ABCA7: variants seen among roughly 807,000 people sequenced by gnomAD.
The protein encoded by ABCA7 is phospholipid-transporting ATPase ABCA7.
In ABCA7, 261 loss-of-function variants were observed where a neutral mutation model predicts 227.6. That is an observed-to-expected ratio of 1.15 (90% CI 1.04 to 1.27). The LOEUF (loss-of-function observed/expected upper bound fraction) is 1.27, where lower values mean the gene tolerates loss of function less well. Among genes scored for constraint, ABCA7 ranks in the 50% most tolerant of loss-of-function variants. The pLI is 0.00. For synonymous variants in ABCA7, 1,488 were observed against 1,279.7 expected (o/e 1.16, Z -3.47); for missense variants, 3,331 against 2,924.5 (o/e 1.14, Z -3.21).
chr19:1,041,167 C>G (rs952902834), intron 1 of ABCA7, 58 bp from the exon 2 acceptor site: 1 of 636,454 alleles, frequency 1.6e-6, no homozygotes, highest in Non-Finnish European at 2.8e-6. Context: ...GTTTACTCCA[C>G]CCCTGGGGTA....
At chr19:1,041,711 A>G in intron 3 of ABCA7, 108 bp downstream of exon 3, 2 of 1,580,420 alleles carry the variant, frequency 1.3e-6, no homozygotes, top group Non-Finnish European at 1.7e-6. Context: ...CCAGGCCGCC[A>G]ATACATGGCA....
chr19:1,054,155 C>T lies in ABCA7; in HGVS notation c.3578-38C>T, dbSNP rs201587111. On this transcript the variant is annotated intron_variant, in intron 26 of 46. Transcript: ENST00000263094. This position sits in a 1 kb window ranked among gnomAD's most constrained non-coding sequence, Gnocchi z 4.8. ...CCTGGGGTCCTCCCAGCCACCCCCC[C>T]ACAGCAGCGTGAGCACTGACCCTCT... is the stretch of plus-strand genomic sequence containing the variant. The T allele has an allele frequency of 8.7e-6, 14 of 1,612,246 alleles. No homozygotes were observed. Among genetic ancestry groups the T allele is most frequent in the East Asian group, 6.7e-5 (3 of 44,844 alleles).
intron 45 of ABCA7, chr19:1,064,582 G>T: frequency 2.0e-6 from 1 of 490,410 alleles, no homozygotes; most frequent in South Asian, 3.1e-5. Flanking sequence ...CGGGGCCATA[G>T]GAAAGTGGGG....
Position 1,056,964 on chromosome 19 carries a change from T to C in ABCA7, c.4644T>C (p.Phe1548=), listed in dbSNP as rs1463787273. ...TCTGTGTGGTCTTTGCCATGTCCTT[T>C]GTCCCGGCCAGCTTCACTCTTGTCC... The part of the protein sequence containing the change: ...VSICVVFAMS[F]VPASFTLVLI... The change falls in exon 34 of 47, where the codon TTT becomes TTC. Residue 1548 remains phenylalanine (F), a synonymous_variant. Transcript: ENST00000263094. This position sits in a 1 kb window ranked among gnomAD's most constrained non-coding sequence, Gnocchi z 4.3. 1.2e-6 allele frequency: 2 copies of C among 1,614,086 alleles called. No individual in the cohort carries two copies. Among genetic ancestry groups the C allele is most frequent in the South Asian group, 2.2e-5 (2 of 91,086 alleles).
At chr19:1,046,465 G>C in intron 13 of ABCA7, 59 bp downstream of exon 13, 2 of 1,508,444 alleles carry the variant, frequency 1.3e-6, no homozygotes, top group South Asian at 2.6e-5. Context: ...GGGTGTGGGG[G>C]TGGGCCCAGG....
chr19:1,063,137 G>A, intron 42 of ABCA7, among the ~76,000 whole-genome samples: 1 of 85,598 alleles, frequency 1.2e-5, no homozygotes, highest in South Asian at 4.4e-4. Flanking sequence ...CTCCACCAGT[G>A]TGGCCCCGCC....
At position 1,044,754 on chromosome 19, in the gene ABCA7, T is replaced by C. The variant is rs3764648; in HGVS notation, c.1215+10T>C. 1,100,088 of 1,591,168 alleles carry C rather than the reference T, an allele frequency of 0.69. 381,363 individuals carry two copies. The highest frequency in any genetic ancestry group is 0.81 in the Admixed American group (45,816 of 56,502). On this transcript the variant is annotated intron_variant, in intron 11 of 46. Coordinates refer to ENST00000263094, the MANE Select transcript of ABCA7 (RefSeq NM_019112.4). ...GGGCCGAGTGACGGAGGTGAGGGCC[T>C]GTCCACCTGCGGGGTCTGTTTCAGT...
Position 1,045,101 on chromosome 19 carries a change from G to A in ABCA7, c.1315G>A (p.Val439Ile), listed in dbSNP as rs1265102737. 3.1e-6 allele frequency: 5 copies of A among 1,612,920 alleles called. No individual in the cohort carries two copies. In the East Asian group the frequency reaches 8.9e-5, roughly 29 times the overall value. The change falls in exon 12 of 47, where the codon GTC becomes ATC. Residue 439 changes from valine to isoleucine, a missense_variant. Val to Ile is a conservative substitution (Grantham distance 29). Transcript: ENST00000263094. ...GGAACATCGATTCTGGGCCGGCGTC[G>A]TCTTCTTGGGACCTGAGGACTCTTC... The part of the protein sequence containing the change: ...LAEHRFWAGV[V>I]FLGPEDSSDP...
At chr19:1,055,566 G>A (rs1336598235) in intron 30 of ABCA7, among the ~76,000 whole-genome samples, 1 of 140,600 alleles carries the variant, frequency 7.1e-6, no homozygotes, top group Non-Finnish European at 1.5e-5. Flanking sequence ...GCAGAGGTGT[G>A]ATCTCAGCTC....
chr19:1,042,488 G>T (rs4147905), intron 6 of ABCA7, 91 bp downstream of exon 6: 2 of 1,483,278 alleles, frequency 1.3e-6, no homozygotes, highest in Admixed American at 3.5e-5. Context: ...AGGACCTCCC[G>T]TTCCAGGCAT....
intron 5 of ABCA7, 58 bp from the exon 6 acceptor site, chr19:1,042,257 G>A: frequency 1.3e-6 from 2 of 1,583,454 alleles, no homozygotes; most frequent in Non-Finnish European, 1.7e-6. Flanking sequence ...CAGGGTGGGG[G>A]TGGGTGCCTC....
rs758754679 is a variant in ABCA7, at chr19:1,049,352, G to T, written c.2467G>T (p.Ala823Ser). ...GCGCTTTCCTGGAAGCCCGCAGCCA[G>T]CCCTGCGGGGGCTCAGCCTGGACTT... is the stretch of plus-strand genomic sequence containing the variant. ...EKRFPGSPQP[A>S]LRGLSLDFYQ... Residue 823 changes from alanine to serine, a missense_variant, in exon 18 of 47, where the codon GCC becomes TCC. Ala to Ser is a moderately conservative substitution (Grantham distance 99). Transcript: ENST00000263094. 3 of 1,611,576 alleles carry T rather than the reference G, an allele frequency of 1.9e-6. No individual in the cohort carries two copies. The South Asian group carries it at 3.3e-5, about 18-fold the overall frequency.
chr19:1,062,260 C>T lies in ABCA7; in HGVS notation c.5659C>T (p.His1887Tyr). ...AIFELLTGRE[H>Y]LELLARLRGV... ...CTTTGAGCTGCTGACGGGCCGCGAG[C>T]ACCTGGAGCTGCTTGCGCGCCTGCG... The change falls in exon 42 of 47, where the codon CAC becomes TAC. Residue 1887 changes from histidine to tyrosine, a missense_variant. Coordinates refer to ENST00000263094, the MANE Select transcript of ABCA7 (RefSeq NM_019112.4). The T allele has an allele frequency of 2.5e-6, 4 of 1,611,428 alleles. No homozygotes were observed. The highest frequency in any genetic ancestry group is 3.4e-6 in the Non-Finnish European group (4 of 1,179,792).
intron 36 of ABCA7, 31 bp from the exon 37 acceptor site, chr19:1,058,114 CT>C (rs2144920296): frequency 6.2e-7 from 1 of 1,613,938 alleles, no homozygotes; most frequent in East Asian, 2.2e-5. Context: ...GACTCAGCCC[CT>C]GACCAACATC....
At chr19:1,058,528 T>C (rs2144924112) in intron 37 of ABCA7, 90 bp from the exon 38 acceptor site, 1 of 1,571,598 alleles carries the variant, frequency 6.4e-7, no homozygotes, top group East Asian at 2.3e-5. Flanking sequence ...TTTGTGTTCC[T>C]TTCCCTTAAG....
At chr19:1,064,753 T>A in intron 45 of ABCA7, 178 bp from the exon 46 acceptor site, 1 of 1,012,196 alleles carries the variant, frequency 9.9e-7, no homozygotes. Context: ...TGGTGGTGTG[T>A]GCCTGTGGTC....
Position 1,054,499 on chromosome 19 carries a change from C to T in ABCA7, c.3727-71C>T. 1.3e-6 allele frequency: 2 copies of T among 1,579,752 alleles called. No individual in the cohort carries two copies. Among genetic ancestry groups the T allele is most frequent in the Non-Finnish European group, 1.7e-6 (2 of 1,161,524 alleles). On this transcript the variant is annotated intron_variant, in intron 27 of 46. Transcript: ENST00000263094. This position sits in a 1 kb window ranked among gnomAD's most constrained non-coding sequence, Gnocchi z 4.8. Reference sequence around the variant, plus strand: ...TGGGGAGCCATGGGTGGTTGTAGAGCAGGAGCAGGGACAGGTGCAAGCAAG... The same window carrying T: ...TGGGGAGCCATGGGTGGTTGTAGAGTAGGAGCAGGGACAGGTGCAAGCAAG...
At chr19:1,061,065 G>T (rs1354439945) in intron 40 of ABCA7, among the ~76,000 whole-genome samples, 1 of 152,018 alleles carries the variant, frequency 6.6e-6, no homozygotes, top group Admixed American at 6.6e-5. Flanking sequence ...GCTCCCCCGG[G>T]GCCCCACCCA....
chr19:1,057,091 G>A lies in ABCA7; in HGVS notation c.4764+7G>A. ...CAACTTTCTCTGGGACATGGTGCGG[G>A]GGCTGCTTGGACGGGTGGGGGCCCA... is the stretch of plus-strand genomic sequence containing the variant. On this transcript the variant is annotated splice_region_variant and intron_variant, in intron 34 of 46. Coordinates refer to ENST00000263094, the MANE Select transcript of ABCA7 (RefSeq NM_019112.4). The A allele has an allele frequency of 1.2e-6, 2 of 1,608,794 alleles. No homozygotes were observed. The highest frequency in any genetic ancestry group is 1.7e-4 in the Middle Eastern group (1 of 6,040).
Sources: allele counts gnomAD v4.1 joint callset (sites outside exome capture counted in the v4.1 genomes callset), GRCh38; gene constraint gnomAD v4.1.1; non-coding constraint Gnocchi (gnomAD v3.1); transcripts MANE v1.5; gene names NCBI Gene and HGNC (gene_info 2026-07-23, HGNC 2026-07-21).